CIITA: variants seen among roughly 807,000 people sequenced by gnomAD.
CIITA encodes the protein MHC class II transactivator.
CIITA carries 72 observed loss-of-function variants against 115.1 expected under a neutral mutation model. The observed-to-expected ratio is 0.63, with a 90% CI of 0.52 to 0.76. CIITA has a LOEUF of 0.76. CIITA is among the 30% of genes least tolerant of loss of function. The probability of loss-of-function intolerance (pLI) is 0.00; values close to 1 mark genes in which losing one functional copy is unlikely to be tolerated. For synonymous variants in CIITA, 763 were observed against 635.6 expected, an observed-to-expected ratio of 1.20 and a Z score of -3.02; for missense variants, 1,617 against 1,463.8, an observed-to-expected ratio of 1.10 and a Z score of -1.71.
intron 11 of CIITA, 96 bp downstream of exon 11, chr16:10,908,245 T>C (rs1233868258): frequency 9.2e-6 from 13 of 1,407,266 alleles, no homozygotes; most frequent in South Asian, 3.7e-5. Context: ...TCTTTTAGTA[T>C]GCAGAGCAGC....
At chr16:10,873,367 G>A (rs955403455), upstream of CIITA, among the ~76,000 whole-genome samples, 2 of 152,218 alleles carry the variant, frequency 1.3e-5, no homozygotes, top group Non-Finnish European at 2.9e-5. Context: ...CTAATCAGAG[G>A]TAGCAGAGAT....
At position 10,901,997 on chromosome 16, in the gene CIITA, C is replaced by A. The variant is rs1175359831; in HGVS notation, c.482-41C>A. The A allele has an allele frequency of 6.2e-7, 1 of 1,612,772 alleles. No individual in the cohort carries two copies. On this transcript the variant is annotated intron_variant, in intron 6 of 19. Coordinates refer to ENST00000324288, the MANE Select transcript of CIITA (RefSeq NM_000246.4). The surrounding 1 kb of genome is among the most constrained non-coding windows in gnomAD (Gnocchi z 6.8). The stretch of plus-strand genomic sequence containing the variant: ...GGCCCTCCCCATCCCAGGAAGGCCC[C>A]TCCAAGCACCCAGTCTCTAACACAG...
chr16:10,892,423 C>G (rs1178197030), intron 1 of CIITA, among the ~76,000 whole-genome samples: 1 of 152,126 alleles, frequency 6.6e-6, no homozygotes, highest in Non-Finnish European at 1.5e-5. Context: ...TCTTCTGGGC[C>G]CAGAACAGGG....
chr16:10,905,863 T>A (rs1243331191), intron 10 of CIITA, among the ~76,000 whole-genome samples: 1 of 149,728 alleles, frequency 6.7e-6, no homozygotes, highest in East Asian at 2.0e-4. Context: ...AATGAATGAG[T>A]GGTGGGTGAC....
intron 1 of CIITA, among the ~76,000 whole-genome samples, chr16:10,894,344 G>T (rs1404030796): frequency 6.6e-6 from 1 of 151,988 alleles, no homozygotes; most frequent in African/African-American, 2.4e-5. Context: ...GCAACATTTT[G>T]TTTATCCATT....
rs766092016 is a variant in CIITA, at chr16:10,895,331, C to T, written c.102C>T (p.Tyr34=). The change falls in exon 2 of 20, where the codon TAC becomes TAT. Residue 34 remains tyrosine (Y), a synonymous_variant. Transcript: ENST00000324288. ...TMELGPLEGG[Y]LELLNSDADP... ...AGTTGGGGCCCCTAGAAGGTGGCTA[C>T]CTGGAGCTTCTTAACAGCGATGCTG... 6.2e-6 allele frequency: 10 copies of T among 1,614,100 alleles called. 1 individual carries two copies. The South Asian group carries it at 1.1e-4, about 18-fold the overall frequency.
chr16:10,895,565 T>G, intron 2 of CIITA, 104 bp from the exon 3 acceptor site: 1 of 1,561,510 alleles, frequency 6.4e-7, no homozygotes, highest in South Asian at 1.1e-5. Flanking sequence ...GGACGCTCTC[T>G]GCAGATGGGG....
intron 4 of CIITA, 68 bp downstream of exon 4, chr16:10,898,800 C>G: frequency 6.2e-7 from 1 of 1,602,366 alleles, no homozygotes; most frequent in Non-Finnish European, 8.5e-7. Context: ...CTGGGGGGTG[C>G]CCTAATACCT....
chr16:10,915,688 T>C, intron 14 of CIITA, 38 bp downstream of exon 14: 1 of 1,544,966 alleles, frequency 6.5e-7, no homozygotes, highest in Non-Finnish European at 8.9e-7. Context: ...TCTCAACATC[T>C]GGGTGCAGTG....
intron 13 of CIITA, among the ~76,000 whole-genome samples, chr16:10,913,274 C>T (rs371295412): frequency 4.7e-5 from 7 of 150,316 alleles, no homozygotes; most frequent in Non-Finnish European, 8.8e-5. Flanking sequence ...TTCTTTCCCT[C>T]CTTTCTTTCT....
chr16:10,908,071 C>G lies in CIITA; in HGVS notation c.2579C>G (p.Ser860Cys), dbSNP rs2039302407. 1 of 1,611,802 alleles carries G rather than the reference C, an allele frequency of 6.2e-7. No individual in the cohort carries two copies. The highest frequency in any genetic ancestry group is 2.2e-5 in the East Asian group (1 of 44,802). The change falls in exon 11 of 20, where the codon TCC becomes TGC. Residue 860 changes from serine to cysteine, a missense_variant. Coordinates refer to ENST00000324288, the MANE Select transcript of CIITA (RefSeq NM_000246.4). ...TTGGAGGCGGCGGGCCAAGACTTCTCCCTGGACCTCCGCAGCACTGGCATT... is the reference window on the plus strand; with the variant it reads ...TTGGAGGCGGCGGGCCAAGACTTCTGCCTGGACCTCCGCAGCACTGGCATT... ...KALEAAGQDF[S>C]LDLRSTGICP...
downstream of CIITA, chr16:10,937,667 CG>C (rs901788129): frequency 6.6e-6 from 1 of 152,200 alleles, no homozygotes; most frequent in African/African-American, 2.4e-5. This position sits in a 1 kb window ranked among gnomAD's most constrained non-coding sequence, Gnocchi z 4.2. Flanking sequence ...CATTAGGAAC[CG>C]GGACGAATAA....
rs779586850 is a variant in CIITA, at chr16:10,907,929, G to A, written c.2437G>A (p.Ala813Thr). The change falls in exon 11 of 20, where the codon GCC becomes ACC. Residue 813 changes from alanine (A) to threonine (T), a missense_variant. Ala to Thr is a moderately conservative substitution (Grantham distance 58). Transcript: ENST00000324288. The surrounding 1 kb of genome is among the most constrained non-coding windows in gnomAD (Gnocchi z 5.0). ...ARQLLELLHC[A>T]HEAEEAGIWQ... Reference sequence around the variant, plus strand: ...GCAGCTGCTGGAGCTGCTGCACTGCGCCCACGAGGCCGAGGAGGCTGGAAT... The same window carrying A: ...GCAGCTGCTGGAGCTGCTGCACTGCACCCACGAGGCCGAGGAGGCTGGAAT... 2.2e-5 allele frequency: 35 copies of A among 1,563,870 alleles called. No individual in the cohort carries two copies. In the East Asian group the frequency reaches 3.4e-4, roughly 15 times the overall value.
Position 10,931,727 on chromosome 16 carries a change from A to C in CIITA, c.*7872A>C, listed in dbSNP as rs1478225557. Reference sequence around the variant, plus strand: ...ACCGCGTCTCTACTAAAAACAAACAAACAAAAATACAAAATTCGCTGGGCA... The same window carrying C: ...ACCGCGTCTCTACTAAAAACAAACACACAAAAATACAAAATTCGCTGGGCA... On this transcript the variant is annotated 3_prime_UTR_variant, in exon 20 of 20. Transcript: ENST00000324288. The C allele has an allele frequency of 6.6e-6, 1 of 152,216 alleles. No homozygotes were observed. Among genetic ancestry groups the C allele is most frequent in the Non-Finnish European group, 1.5e-5 (1 of 68,066 alleles). 9.4% of individuals were successfully genotyped at this position (152,216 alleles called of 1,614,324 possible). A position where few individuals can be genotyped will look rare whatever the true frequency, so the allele number is the denominator to read the frequency against.
chr16:10,923,416 C>T lies in CIITA; in HGVS notation c.*22+91C>T. Reference sequence around the variant, plus strand: ...GCATTCAAAAAATGTGGGCGGGACACAGGTGGGGCTAGGCCACCACCCTTG... The same window carrying T: ...GCATTCAAAAAATGTGGGCGGGACATAGGTGGGGCTAGGCCACCACCCTTG... On this transcript the variant is annotated intron_variant, in intron 19 of 19. Transcript: ENST00000324288. This position sits in a 1 kb window ranked among gnomAD's most constrained non-coding sequence, Gnocchi z 5.2. The T allele has an allele frequency of 1.9e-6, 2 of 1,027,226 alleles. No individual in the cohort carries two copies. Among genetic ancestry groups the T allele is most frequent in the South Asian group, 2.6e-5 (2 of 78,216 alleles). The allele number at this position is 1,027,226 out of a possible 1,614,324, so 63.6% of individuals were successfully genotyped here. A position where few individuals can be genotyped will look rare whatever the true frequency, so the allele number is the denominator to read the frequency against.
intron 12 of CIITA, among the ~76,000 whole-genome samples, chr16:10,909,744 A>T (rs1187540091): frequency 6.6e-6 from 1 of 151,896 alleles, no homozygotes; most frequent in African/African-American, 2.4e-5. Flanking sequence ...TATTTTTATT[A>T]TTTCTTAAAG....
intron 11 of CIITA, chr16:10,908,506 C>G: frequency 2.3e-6 from 1 of 435,078 alleles, no homozygotes; most frequent in Non-Finnish European, 4.3e-6. Flanking sequence ...CATGGCCTCC[C>G]CTTGGACTCT....
rs1455275611 is a variant in CIITA, at chr16:10,923,102, T to C, written c.3318-126T>C. ...CCCATGACCCACACCGGTCGGTATC[T>C]TGCCAGGGGAAAAGTCCCCAACGTT... On this transcript the variant is annotated intron_variant, in intron 18 of 19. Coordinates refer to ENST00000324288, the MANE Select transcript of CIITA (RefSeq NM_000246.4). The surrounding 1 kb of genome is among the most constrained non-coding windows in gnomAD (Gnocchi z 5.2). The C allele has an allele frequency of 2.4e-6, 2 of 826,920 alleles. No individual in the cohort carries two copies. The highest frequency in any genetic ancestry group is 1.7e-5 in the Admixed American group (1 of 58,166). The allele number at this position is 826,920 out of a possible 1,614,324, so 51.2% of individuals were successfully genotyped here.
chr16:10,915,697 T>C (rs932682362), intron 14 of CIITA, 47 bp downstream of exon 14: 2 of 1,520,520 alleles, frequency 1.3e-6, no homozygotes, highest in South Asian at 2.2e-5. Context: ...CTGGGTGCAG[T>C]GCTGTGATCA....
Sources: allele counts gnomAD v4.1 joint callset (sites outside exome capture counted in the v4.1 genomes callset), GRCh38; gene constraint gnomAD v4.1.1; non-coding constraint Gnocchi (gnomAD v3.1); transcripts MANE v1.5; gene names NCBI Gene and HGNC (gene_info 2026-07-23, HGNC 2026-07-21).